GPHN: variants seen among roughly 807,000 people sequenced by gnomAD.
GPHN encodes the protein gephyrin.
GPHN carries 17 observed loss-of-function variants against 95.5 expected under a neutral mutation model. The ratio of observed to expected loss-of-function variants is 0.18; its 90% CI spans 0.12 to 0.27. GPHN has a LOEUF of 0.27. GPHN is among the 10% of genes least tolerant of loss of function. The probability of loss-of-function intolerance (pLI) is 1.00; values close to 1 mark genes in which losing one functional copy is unlikely to be tolerated. For synonymous variants in GPHN, 320 were observed against 322.5 expected (o/e 0.99, Z 0.08); for missense variants, 660 against 978.1 (o/e 0.67, Z 4.34).
chr14:67,263,379 A>G, the GPHN span, among the ~76,000 whole-genome samples: 1 of 152,162 alleles, frequency 6.6e-6, no homozygotes, highest in Non-Finnish European at 1.5e-5. Context: ...TCAGAGCTCA[A>G]CTTTAGGGAT....
At chr14:67,643,505 G>A in the GPHN span, among the ~76,000 whole-genome samples, 3 of 152,136 alleles carry the variant, frequency 2.0e-5, no homozygotes, top group African/African-American at 7.2e-5. Flanking sequence ...ATTTACTGCT[G>A]GAAGCATGTA....
intron 1 of GPHN, among the ~76,000 whole-genome samples, chr14:66,641,320 A>G (rs1218338487): frequency 6.6e-6 from 1 of 152,234 alleles, no homozygotes; most frequent in African/African-American, 2.4e-5. Flanking sequence ...CCACTCAGCC[A>G]AGCAGTCATG....
At chr14:67,723,237 T>C in the GPHN span, among the ~76,000 whole-genome samples, 1 of 152,164 alleles carries the variant, frequency 6.6e-6, no homozygotes, top group African/African-American at 2.4e-5. Context: ...GAGTGGAGAA[T>C]TTTTAAATTT....
chr14:67,197,261 T>G, the GPHN span: 1 of 152,178 alleles, frequency 6.6e-6, no homozygotes, highest in Non-Finnish European at 1.5e-5. Context: ...TGTTGTTTCT[T>G]TTACAAAAGA....
At chr14:67,329,920 T>G in the GPHN span, among the ~76,000 whole-genome samples, 43 of 151,206 alleles carry the variant, frequency 2.8e-4, no homozygotes, top group African/African-American at 9.7e-4. Context: ...ACTCACTGGA[T>G]GCAAAATGTA....
intron 2 of GPHN, among the ~76,000 whole-genome samples, chr14:66,700,648 G>A (rs148141470): frequency 2.6e-5 from 4 of 152,126 alleles, no homozygotes; most frequent in East Asian, 1.9e-4. Context: ...TATTATGACC[G>A]GATGCAGTGG....
At chr14:67,328,403 T>C in the GPHN span, among the ~76,000 whole-genome samples, 18 of 152,336 alleles carry the variant, frequency 1.2e-4, no homozygotes, top group African/African-American at 4.1e-4. Context: ...GATGGGTAGA[T>C]GGTAAAAATT....
At chr14:66,959,511 G>A (rs10148117) in intron 8 of GPHN, among the ~76,000 whole-genome samples, 47,293 of 151,820 alleles carry the variant, frequency 0.31, 11,381 homozygotes, top group African/African-American at 0.65. Context: ...ATTTTTCTTC[G>A]TTTTTGAAGT....
At chr14:67,578,504 C>T in the GPHN span, 6 of 1,481,132 alleles carry the variant, frequency 4.1e-6, no homozygotes, top group Non-Finnish European at 5.6e-6. The surrounding 1 kb of genome is among the most constrained non-coding windows in gnomAD (Gnocchi z 5.0). Flanking sequence ...AGGCCCAGCA[C>T]TCACCCCACG....
At chr14:67,676,819 TTTAATTC>T in the GPHN span, 1 of 152,216 alleles carries the variant, frequency 6.6e-6, no homozygotes, top group East Asian at 1.9e-4. Flanking sequence ...TAATCAAACT[TTTAATTC>T]TTAGTTTTTA....
chr14:67,156,614 A>G (rs1458441045), intron 18 of GPHN, among the ~76,000 whole-genome samples: 1 of 152,188 alleles, frequency 6.6e-6, no homozygotes, highest in Non-Finnish European at 1.5e-5. Flanking sequence ...TAGAAGAAGG[A>G]AAAAGGAAAT....
chr14:67,594,728 C>T, the GPHN span, among the ~76,000 whole-genome samples: 1 of 151,800 alleles, frequency 6.6e-6, no homozygotes, highest in Non-Finnish European at 1.5e-5. Context: ...CTGATAAACC[C>T]ATTATAAGAT....
At chr14:67,579,026 C>G in the GPHN span, 1 of 744,846 alleles carries the variant, frequency 1.3e-6, no homozygotes, top group Non-Finnish European at 2.2e-6. Context: ...TTCTCACAAC[C>G]TGCCCCAGCT....
At chr14:66,590,354 A>C (rs923361433) in intron 1 of GPHN, among the ~76,000 whole-genome samples, 1 of 152,192 alleles carries the variant, frequency 6.6e-6, no homozygotes, top group Non-Finnish European at 1.5e-5. Context: ...CCCTTCAAAA[A>C]ATCAATGAAT....
the GPHN span, chr14:67,577,209 A>G: frequency 3.7e-6 from 3 of 815,692 alleles, no homozygotes; most frequent in South Asian, 1.5e-5. Flanking sequence ...ATAAACCACT[A>G]TCTTCCCCAT....
At chr14:67,302,237 G>T in the GPHN span, 1 of 1,224,748 alleles carries the variant, frequency 8.2e-7, no homozygotes, top group East Asian at 2.7e-5. Flanking sequence ...AAAGTGTGGG[G>T]GAAATGGTCA....
chr14:67,686,881 A>G, the GPHN span, among the ~76,000 whole-genome samples: 3 of 152,214 alleles, frequency 2.0e-5, no homozygotes, highest in Non-Finnish European at 2.9e-5. Flanking sequence ...TTGAAGAAAC[A>G]GAATTTTTCT....
the GPHN span, among the ~76,000 whole-genome samples, chr14:67,342,810 T>G: frequency 6.6e-6 from 1 of 152,060 alleles, no homozygotes; most frequent in South Asian, 2.1e-4. Context: ...TTTCTTTACT[T>G]CAAATTTTGC....
the GPHN span, among the ~76,000 whole-genome samples, chr14:67,591,461 C>A: frequency 6.6e-6 from 1 of 152,176 alleles, no homozygotes; most frequent in African/African-American, 2.4e-5. Context: ...GTCAGTGAGG[C>A]AGGGTTAACT....
Sources: allele counts gnomAD v4.1 joint callset (sites outside exome capture counted in the v4.1 genomes callset), GRCh38; gene constraint gnomAD v4.1.1; non-coding constraint Gnocchi (gnomAD v3.1); transcripts MANE v1.5; gene names NCBI Gene and HGNC (gene_info 2026-07-23, HGNC 2026-07-21).